Variants in ZFAT observed in about 807,000 individuals in gnomAD.
ZFAT encodes the protein zinc finger protein ZFAT.
ZFAT carries 64 observed loss-of-function variants against 117.7 expected under a neutral mutation model. The ratio of observed to expected loss-of-function variants is 0.54; its 90% CI spans 0.44 to 0.67. ZFAT has a LOEUF of 0.67. Ranked by LOEUF, ZFAT falls within the 30% of genes least tolerant of loss-of-function variation. The pLI, the probability that ZFAT is intolerant of heterozygous loss-of-function variation, is 0.00. For missense variants in ZFAT, 1,433 were observed against 1,584.5 expected (o/e 0.90, Z 1.62); for synonymous variants, 679 against 615.0 (o/e 1.10, Z -1.54).
chr8:134,751,500 T>A, the ZFAT span, among the ~76,000 whole-genome samples: 2 of 152,136 alleles, frequency 1.3e-5, no homozygotes, highest in Non-Finnish European at 2.9e-5. Flanking sequence ...TGACCAACAC[T>A]GGAACCACAG....
At chr8:134,627,084 G>A (rs528388544) in intron 3 of ZFAT, among the ~76,000 whole-genome samples, 12 of 152,338 alleles carry the variant, frequency 7.9e-5, no homozygotes, top group African/African-American at 2.9e-4. Flanking sequence ...AGACAAAGCA[G>A]TCTCAGGACA....
chr8:134,567,810 C>A (rs1411947769), intron 10 of ZFAT, among the ~76,000 whole-genome samples: 7 of 152,154 alleles, frequency 4.6e-5, no homozygotes, highest in Admixed American at 4.6e-4. Context: ...GACCCCTGAG[C>A]CTTTGCTAAC....
At chr8:134,566,393 C>CAAAAAAAAA (rs57041885) in intron 10 of ZFAT, among the ~76,000 whole-genome samples, 1,025 of 77,180 alleles carry the variant, frequency 0.013, 73 homozygotes, top group African/African-American at 0.043. Flanking sequence ...GACTCCAACT[C>CAAAAAAAAA]AAAAAAAAAA....
At chr8:134,753,613 TTAAG>T in the ZFAT span, among the ~76,000 whole-genome samples, 1 of 152,256 alleles carries the variant, frequency 6.6e-6, no homozygotes, top group Non-Finnish European at 1.5e-5. Flanking sequence ...AGTGGAATAG[TTAAG>T]TAGTTATTAG....
At chr8:134,479,404 T>C (rs1817131106) in intron 15 of ZFAT, among the ~76,000 whole-genome samples, 1 of 152,218 alleles carries the variant, frequency 6.6e-6, no homozygotes, top group East Asian at 1.9e-4. Flanking sequence ...TGGCCAGGCC[T>C]TTCTCTGAAG....
chr8:134,783,351 T>C, the ZFAT span, among the ~76,000 whole-genome samples: 1 of 152,132 alleles, frequency 6.6e-6, no homozygotes, highest in Non-Finnish European at 1.5e-5. Context: ...GAGCTCCATC[T>C]CCTGTCAGAT....
At chr8:134,630,471 G>A (rs1056613687) in intron 3 of ZFAT, among the ~76,000 whole-genome samples, 6 of 152,140 alleles carry the variant, frequency 3.9e-5, no homozygotes, top group African/African-American at 1.4e-4. Flanking sequence ...TTGAAACACT[G>A]TAATAAAAAA....
intron 15 of ZFAT, among the ~76,000 whole-genome samples, chr8:134,491,070 TC>T (rs1818022896): frequency 6.6e-6 from 1 of 152,218 alleles, no homozygotes; most frequent in Non-Finnish European, 1.5e-5. Flanking sequence ...CACCATGACT[TC>T]TAAATTTTTC....
intron 15 of ZFAT, among the ~76,000 whole-genome samples, chr8:134,505,121 T>C (rs890136384): frequency 6.6e-6 from 1 of 152,204 alleles, no homozygotes; most frequent in Non-Finnish European, 1.5e-5. Flanking sequence ...AGTGTACTTT[T>C]TGCCTCTAAC....
chr8:134,652,676 G>C (rs537326098), intron 2 of ZFAT, among the ~76,000 whole-genome samples: 5 of 152,080 alleles, frequency 3.3e-5, no homozygotes, highest in Non-Finnish European at 5.9e-5. Flanking sequence ...CAGTAAACAT[G>C]GTCAACCTCA....
intron 11 of ZFAT, among the ~76,000 whole-genome samples, chr8:134,537,248 C>A (rs999291664): frequency 6.6e-6 from 1 of 152,214 alleles, no homozygotes; most frequent in Non-Finnish European, 1.5e-5. Context: ...GCCATAGTTT[C>A]ACAGTCTCCC....
At chr8:134,651,550 A>T (rs983917165) in intron 2 of ZFAT, among the ~76,000 whole-genome samples, 1 of 152,210 alleles carries the variant, frequency 6.6e-6, no homozygotes, top group Non-Finnish European at 1.5e-5. Context: ...ATCTCATATG[A>T]ATTTTATCTA....
At chr8:134,534,345 T>C (rs1252805618) in intron 11 of ZFAT, among the ~76,000 whole-genome samples, 1 of 152,180 alleles carries the variant, frequency 6.6e-6, no homozygotes, top group Non-Finnish European at 1.5e-5. Flanking sequence ...AACACTACCT[T>C]TACTCCTCCA....
At chr8:134,758,379 C>T in the ZFAT span, among the ~76,000 whole-genome samples, 5 of 152,234 alleles carry the variant, frequency 3.3e-5, no homozygotes, top group African/African-American at 1.2e-4. Flanking sequence ...GGGTTCAACT[C>T]TCCACTTTAC....
Position 134,533,563 on chromosome 8 carries a change from C to A in ZFAT, c.2977-591G>T, listed in dbSNP as rs138001239. On this transcript the variant is annotated intron_variant, in intron 11 of 15. Transcript: ENST00000377838. The stretch of plus-strand genomic sequence containing the variant: ...AACGTATCCCTGCCATTCAGTGATG[C>A]GTCACTGTATTTGCTTCTTTAGCTA... 1.6e-3 allele frequency among the ~76,000 whole-genome samples: 239 copies of A among 152,358 alleles called. 1 individual carries two copies. The highest frequency in any genetic ancestry group is 2.7e-3 in the Non-Finnish European group (185 of 68,040).
intron 9 of ZFAT, among the ~76,000 whole-genome samples, chr8:134,587,882 T>C (rs1483102329): frequency 6.6e-6 from 1 of 152,166 alleles, no homozygotes; most frequent in Admixed American, 6.5e-5. Context: ...AATACCAACA[T>C]TTCTGGAAAA....
At chr8:134,623,447 C>T (rs1829275087) in intron 3 of ZFAT, among the ~76,000 whole-genome samples, 1 of 152,202 alleles carries the variant, frequency 6.6e-6, no homozygotes, top group African/African-American at 2.4e-5. Context: ...GGATATCCTG[C>T]AGTCCCCAGA....
intron 1 of ZFAT, among the ~76,000 whole-genome samples, chr8:134,663,081 C>T (rs977067552): frequency 6.6e-6 from 1 of 152,262 alleles, no homozygotes; most frequent in African/African-American, 2.4e-5. Flanking sequence ...AAGACACTCG[C>T]TCATAACTTC....
At chr8:134,507,762 T>C (rs1819524299) in intron 15 of ZFAT, among the ~76,000 whole-genome samples, 1 of 152,096 alleles carries the variant, frequency 6.6e-6, no homozygotes, top group African/African-American at 2.4e-5. Flanking sequence ...ATCAATCTAG[T>C]TCTCAGAAAC....
Sources: allele counts gnomAD v4.1 joint callset (sites outside exome capture counted in the v4.1 genomes callset), GRCh38; gene constraint gnomAD v4.1.1; transcripts MANE v1.5; gene names NCBI Gene and HGNC (gene_info 2026-07-23, HGNC 2026-07-21).